CIT: variants seen among roughly 807,000 people sequenced by gnomAD.
CIT encodes citron Rho-interacting kinase.
A neutral mutation model predicts 272.7 loss-of-function variants in CIT; 79 were observed. That is an observed-to-expected ratio of 0.29 (90% confidence interval 0.24 to 0.35). The LOEUF is 0.35. Ranked by LOEUF, CIT falls within the 10% of genes least tolerant of loss-of-function variation. The pLI, the probability that CIT is intolerant of heterozygous loss-of-function variation, is 1.00. For missense variants in CIT, 1,909 were observed against 2,618.3 expected (o/e 0.73, Z 5.91); for synonymous variants, 948 against 995.6 (o/e 0.95, Z 0.90).
Position 119,784,482 on chromosome 12 carries a change from G to C in CIT, c.1402-431C>G. On this transcript the variant is annotated intron_variant, in intron 11 of 47. Transcript: ENST00000392521. The surrounding 1 kb of genome is among the most constrained non-coding windows in gnomAD (Gnocchi z 4.7). ...TATTTATTCGTCTGCACTCTTAGGAGTCCCAGGCAAGCAGTGACTTATTAG... is the reference window on the plus strand; with the variant it reads ...TATTTATTCGTCTGCACTCTTAGGACTCCCAGGCAAGCAGTGACTTATTAG... The C allele has an allele frequency of 8.4e-7, 1 of 1,191,266 alleles. No individual in the cohort carries two copies. Among genetic ancestry groups the C allele is most frequent in the Middle Eastern group, 3.8e-4 (1 of 2,626 alleles). 73.8% of individuals were successfully genotyped at this position (1,191,266 alleles called of 1,614,324 possible).
chr12:119,689,015 G>A (rs1259615124), intron 47 of CIT, among the ~76,000 whole-genome samples: 4 of 124,782 alleles, frequency 3.2e-5, no homozygotes, highest in South Asian at 3.2e-4. Flanking sequence ...AAAAAGGGCC[G>A]GGGGTGGGGG....
intron 46 of CIT, among the ~76,000 whole-genome samples, chr12:119,691,837 C>G (rs147093264): frequency 6.6e-6 from 1 of 152,118 alleles, no homozygotes; most frequent in Admixed American, 6.5e-5. Context: ...GTACTAGGGT[C>G]CCTATTATCT....
chr12:119,779,746 A>C (rs1964111779), intron 13 of CIT, among the ~76,000 whole-genome samples: 1 of 152,128 alleles, frequency 6.6e-6, no homozygotes, highest in Non-Finnish European at 1.5e-5. Context: ...AAGAGGGAGG[A>C]AGGCAGGAAT....
rs1470063191 is a variant in CIT, at chr12:119,784,069, A to T, written c.1402-18T>A. 1.2e-6 allele frequency: 2 copies of T among 1,613,004 alleles called. No homozygotes were observed. The highest frequency in any genetic ancestry group is 1.7e-6 in the Non-Finnish European group (2 of 1,179,446). ...TGCTCCATCTGAAATAAACACATCG[A>T]CAGGTTAAAAAGGCCCGTGGAGGTT... On this transcript the variant is annotated intron_variant, in intron 11 of 47. Coordinates refer to ENST00000392521, the MANE Select transcript of CIT (RefSeq NM_001206999.2). The surrounding 1 kb of genome is among the most constrained non-coding windows in gnomAD (Gnocchi z 4.7).
chr12:119,860,895 C>A (rs557313378), intron 3 of CIT, among the ~76,000 whole-genome samples: 12 of 150,930 alleles, frequency 8.0e-5, no homozygotes, highest in Admixed American at 5.3e-4. Flanking sequence ...CCCAGGTGGG[C>A]GGATCACCTG....
chr12:119,796,164 C>T (rs536066074), intron 10 of CIT, among the ~76,000 whole-genome samples: 2 of 152,270 alleles, frequency 1.3e-5, no homozygotes, highest in South Asian at 4.1e-4. Context: ...AGACTGAATA[C>T]CAAGTTCAGG....
At chr12:119,851,664 T>C (rs1970228910) in intron 4 of CIT, among the ~76,000 whole-genome samples, 1 of 152,198 alleles carries the variant, frequency 6.6e-6, no homozygotes, top group African/African-American at 2.4e-5. Flanking sequence ...ACTCACTGAC[T>C]GAAATAGGAA....
At chr12:119,773,438 T>A (rs1208984397) in intron 16 of CIT, among the ~76,000 whole-genome samples, 1 of 152,172 alleles carries the variant, frequency 6.6e-6, no homozygotes, top group African/African-American at 2.4e-5. Context: ...TCACCTGTTT[T>A]GCTTTTTTTT....
Position 119,784,504 on chromosome 12 carries a change from T to C in CIT, c.1402-453A>G. On this transcript the variant is annotated intron_variant, in intron 11 of 47. Coordinates refer to ENST00000392521, the MANE Select transcript of CIT (RefSeq NM_001206999.2). The surrounding 1 kb of genome is among the most constrained non-coding windows in gnomAD (Gnocchi z 4.7). ...GGAGTCCCAGGCAAGCAGTGACTTA[T>C]TAGTTTCCAGAGCGTTGCCTCTGGG... is the stretch of plus-strand genomic sequence containing the variant. The C allele has an allele frequency of 8.4e-7, 1 of 1,186,972 alleles. No individual in the cohort carries two copies. Among genetic ancestry groups the C allele is most frequent in the Non-Finnish European group, 1.1e-6 (1 of 944,926 alleles). 73.5% of individuals were successfully genotyped at this position (1,186,972 alleles called of 1,614,324 possible). A position where few individuals can be genotyped will look rare whatever the true frequency, so the allele number is the denominator to read the frequency against.
rs550706552 is a variant in CIT, at chr12:119,801,394, A to G, written c.1295+1812T>C. Reference sequence around the variant, plus strand: ...GTGAGAAACAGAAAGATGTCGTTCAAGTCTTCCTGAAAAATAAGCAATTAA... The same window carrying G: ...GTGAGAAACAGAAAGATGTCGTTCAGGTCTTCCTGAAAAATAAGCAATTAA... On this transcript the variant is annotated intron_variant, in intron 10 of 47. Coordinates refer to ENST00000392521, the MANE Select transcript of CIT (RefSeq NM_001206999.2). Among the ~76,000 whole-genome samples, 4 of 152,322 alleles carry G rather than the reference A, an allele frequency of 2.6e-5. No individual in the cohort carries two copies. The East Asian group carries it at 7.7e-4, about 29-fold the overall frequency.
chr12:119,872,998 A>G (rs1384378954), intron 2 of CIT, among the ~76,000 whole-genome samples: 1 of 151,850 alleles, frequency 6.6e-6, no homozygotes, highest in Non-Finnish European at 1.5e-5. Context: ...GGGTTTCACC[A>G]TTTTGCCCAG....
chr12:119,816,561 C>G (rs1195879996), intron 9 of CIT, among the ~76,000 whole-genome samples: 3 of 152,160 alleles, frequency 2.0e-5, no homozygotes, highest in African/African-American at 4.8e-5. Flanking sequence ...CCTGGGGATC[C>G]TTATTAAAAT....
Position 119,708,236 on chromosome 12 carries a change from G to A in CIT, c.5154C>T (p.Asp1718=), listed in dbSNP as rs745428082. ...LAQSHLPAQP[D]ISPNIFEAVK... is the part of the protein sequence containing the mutation. ...CAGCTTCAAAAATGTTGGGTGAGAT[G>A]TCGGGCTGGGCAGGCAGGTGGGACT... The change falls in exon 40 of 48, where the codon GAC becomes GAT. Residue 1718 remains aspartate, a synonymous_variant. Transcript: ENST00000392521. 1.4e-5 allele frequency: 23 copies of A among 1,607,646 alleles called. No individual in the cohort carries two copies. In the South Asian group the frequency reaches 2.5e-4, roughly 17 times the overall value.
At position 119,690,061 on chromosome 12, in the gene CIT, T is replaced by C; in HGVS notation, c.6186+90A>G. 2.4e-6 allele frequency: 3 copies of C among 1,265,960 alleles called. No individual in the cohort carries two copies. Among genetic ancestry groups the C allele is most frequent in the Non-Finnish European group, 3.1e-6 (3 of 977,782 alleles). The allele number at this position is 1,265,960 out of a possible 1,614,324, so 78.4% of individuals were successfully genotyped here. On this transcript the variant is annotated intron_variant, in intron 47 of 47. Transcript: ENST00000392521. The surrounding 1 kb of genome is among the most constrained non-coding windows in gnomAD (Gnocchi z 6.0). ...GAATTACAGTCATGGAGTTCCTTTT[T>C]TAAACAACAGTGGCCCCGTGGGGGC...
intron 19 of CIT, among the ~76,000 whole-genome samples, chr12:119,763,406 C>A (rs1340007777): frequency 6.6e-6 from 1 of 152,134 alleles, no homozygotes; most frequent in Non-Finnish European, 1.5e-5. Context: ...TTTTTGTAGA[C>A]AAGATGAGAA....
chr12:119,848,672 C>A (rs1029788989), intron 5 of CIT, among the ~76,000 whole-genome samples: 4 of 152,148 alleles, frequency 2.6e-5, no homozygotes, highest in Non-Finnish European at 5.9e-5. Flanking sequence ...GCTGGAGAGC[C>A]AAGCACAGAG....
At chr12:119,689,624 C>T (rs1303711414) in intron 47 of CIT, among the ~76,000 whole-genome samples, 1 of 140,102 alleles carries the variant, frequency 7.1e-6, no homozygotes, top group Non-Finnish European at 1.5e-5. Flanking sequence ...TACATATTTT[C>T]CTTTTCAATT....
In CIT at chr12:119,770,768, C is replaced by T; in HGVS notation, c.2208+17G>A. 6.2e-7 allele frequency: 1 copy of T among 1,612,726 alleles called. No individual in the cohort carries two copies. ...AACCTGTTATCTTTTAACTTTGCGACTTTCATTCCTGCTCACCAGAATTTT... is the reference window on the plus strand; with the variant it reads ...AACCTGTTATCTTTTAACTTTGCGATTTTCATTCCTGCTCACCAGAATTTT... On this transcript the variant is annotated intron_variant, in intron 18 of 47. Coordinates refer to ENST00000392521, the MANE Select transcript of CIT (RefSeq NM_001206999.2). This position sits in a 1 kb window ranked among gnomAD's most constrained non-coding sequence, Gnocchi z 4.4.
intron 9 of CIT, among the ~76,000 whole-genome samples, chr12:119,821,415 T>C (rs1404836674): frequency 1.3e-5 from 2 of 152,258 alleles, no homozygotes; most frequent in South Asian, 4.1e-4. Flanking sequence ...TTATATAACA[T>C]AGGTATGTAT....
Sources: allele counts gnomAD v4.1 joint callset (sites outside exome capture counted in the v4.1 genomes callset), GRCh38; gene constraint gnomAD v4.1.1; non-coding constraint Gnocchi (gnomAD v3.1); transcripts MANE v1.5; gene names NCBI Gene and HGNC (gene_info 2026-07-23, HGNC 2026-07-21).